The following RUFY4 variants were observed in gnomAD, a reference collection of about 807,000 sequenced individuals.
RUFY4 encodes the protein RUN and FYVE domain-containing protein 4.
RUFY4 carries 73 observed loss-of-function variants against 69.0 expected under a neutral mutation model. The observed-to-expected ratio is 1.06, with a 90% CI of 0.88 to 1.29. RUFY4 has a LOEUF of 1.29. RUFY4 is among the 50% of genes most tolerant of loss of function. RUFY4 has a pLI of 0.00. For synonymous variants in RUFY4, 287 were observed against 271.8 expected, an observed-to-expected ratio of 1.06 and a Z score of -0.55; for missense variants, 770 against 705.6, an observed-to-expected ratio of 1.09 and a Z score of -1.03.
intron 6 of RUFY4, among the ~76,000 whole-genome samples, chr2:218,074,328 A>G (rs1559433512): frequency 6.6e-6 from 1 of 152,136 alleles, no homozygotes; most frequent in Non-Finnish European, 1.5e-5. Flanking sequence ...TGGTTCTTGA[A>G]CAAGTTACTT....
chr2:218,060,885 C>T (rs114651961), intron 3 of RUFY4: 23,934 of 1,199,462 alleles, frequency 0.02, 439 homozygotes, highest in East Asian at 0.084. Context: ...AAGCAAGATG[C>T]GTAGGGACAG....
upstream of RUFY4, among the ~76,000 whole-genome samples, chr2:218,068,171 T>TGGAGGACGGCAGGGGAC (rs1559429721): frequency 0.19 from 11,558 of 61,754 alleles, 638 homozygotes; most frequent in East Asian, 0.27. Context: ...TGGCAGGGGG[T>TGGAGGACGGCAGGGGAC]TAGAGGAGGG....
rs1574513108 is a variant in RUFY4 at position 218,076,420 on chromosome 2, C to T, written c.1249-7C>T. The T allele has an allele frequency of 6.5e-7, 1 of 1,549,376 alleles. No individual in the cohort carries two copies. Among genetic ancestry groups the T allele is most frequent in the Non-Finnish European group, 8.7e-7 (1 of 1,146,230 alleles). ...CAGCCTCCTTCTCCCCTCCTTCCACCCCACAGAGCCTCAGACTTGGGCTCC... is the reference window on the plus strand; with the variant it reads ...CAGCCTCCTTCTCCCCTCCTTCCACTCCACAGAGCCTCAGACTTGGGCTCC... On this transcript the variant is annotated splice_polypyrimidine_tract_variant and splice_region_variant and intron_variant, in intron 7 of 10. Coordinates refer to ENST00000344321, the Ensembl canonical transcript of RUFY4.
At chr2:218,077,979 C>T (rs1464317095) in intron 8 of RUFY4, among the ~76,000 whole-genome samples, 1 of 152,180 alleles carries the variant, frequency 6.6e-6, no homozygotes, top group Non-Finnish European at 1.5e-5. Flanking sequence ...ACTGGGGACC[C>T]TGTCTCACAG....
Position 218,036,395 on chromosome 2 carries a change from C to T in RUFY4, c.-1158+1001C>T, listed in dbSNP as rs542329066. ...TTCTTCCTGGGCTCACAGTCCAAGT[C>T]ACAAGGAATCACATTATCTAGCATC... On this transcript the variant is annotated intron_variant and NMD_transcript_variant, in intron 2 of 13. Transcript: ENST00000457754. Among the ~76,000 whole-genome samples the T allele has an allele frequency of 6.0e-4, 91 of 152,252 alleles. 1 individual carries two copies. Among genetic ancestry groups the T allele is most frequent in the African/African-American group, 2.0e-3 (85 of 41,526 alleles).
At chr2:218,072,804 G>T (rs56214433) in exon 4 of RUFY4, 1 of 1,534,624 alleles carries the variant, frequency 6.5e-7, no homozygotes, top group Admixed American at 2.0e-5. Flanking sequence ...GGGAAAGGCC[G>T]TGCCTTCATC....
intron 9 of RUFY4, 144 bp downstream of exon 11, chr2:218,083,400 T>C: frequency 8.9e-7 from 1 of 1,125,976 alleles, no homozygotes; most frequent in Middle Eastern, 2.3e-4. Context: ...CTGTTTCTTT[T>C]AGCCACTCCC....
intron 2 of RUFY4, among the ~76,000 whole-genome samples, chr2:218,039,426 A>G (rs1267642728): frequency 1.3e-5 from 2 of 152,322 alleles, no homozygotes; most frequent in African/African-American, 4.8e-5. Context: ...GTCTCCCATT[A>G]TTTATTTCCA....
chr2:218,085,738 G>T (rs551289970), intron 9 of RUFY4, among the ~76,000 whole-genome samples: 61 of 152,266 alleles, frequency 4.0e-4, no homozygotes, highest in Middle Eastern at 6.8e-3. Context: ...CCAAGCAAAT[G>T]ATCAAAAGAT....
chr2:218,038,287 G>A (rs2106024420), intron 2 of RUFY4, among the ~76,000 whole-genome samples: 1 of 150,824 alleles, frequency 6.6e-6, no homozygotes, highest in Admixed American at 6.7e-5. Context: ...ATTATTTGTG[G>A]ACAATATGTC....
intron 2 of RUFY4, among the ~76,000 whole-genome samples, chr2:218,048,311 G>A (rs1381446087): frequency 1.3e-5 from 2 of 152,088 alleles, no homozygotes; most frequent in Non-Finnish European, 2.9e-5. Flanking sequence ...ATTTGTTTAA[G>A]TTTTTTATAG....
chr2:218,087,544 G>A (rs917314967), intron 9 of RUFY4, among the ~76,000 whole-genome samples: 1 of 152,150 alleles, frequency 6.6e-6, no homozygotes, highest in Non-Finnish European at 1.5e-5. Context: ...AATTACAATG[G>A]TAGGCTAGGC....
chr2:218,073,197 C>G, intron 4 of RUFY4, 46 bp from the exon 7 acceptor site: 4 of 1,535,904 alleles, frequency 2.6e-6, no homozygotes, highest in Non-Finnish European at 3.5e-6. Context: ...CAGGGGGAAA[C>G]AGCACCAGGG....
At chr2:218,072,962 C>T (rs1689528718) in intron 4 of RUFY4, 77 bp downstream of exon 6, 1 of 1,197,056 alleles carries the variant, frequency 8.4e-7, no homozygotes, top group Non-Finnish European at 1.1e-6. Context: ...CCTCCTTTAA[C>T]CCCCACAGAT....
rs570362914 is a variant in RUFY4, at chr2:218,049,525, A to T, written c.-1157-9070A>T. Among the ~76,000 whole-genome samples the T allele has an allele frequency of 1.0e-3, 136 of 134,180 alleles. 3 individuals are homozygous for T. The East Asian group carries it at 0.024, about 24-fold the overall frequency. The allele number at this position is 134,180 out of a possible 152,430, so 88.0% of individuals were successfully genotyped here. A position where few individuals can be genotyped will look rare whatever the true frequency, so the allele number is the denominator to read the frequency against. ...CTGTTTTAGGTCTTTTTTTTTTTTT[A>T]GATGGAGTTTCACTCTTGTTGCCCA... is the stretch of plus-strand genomic sequence containing the variant. On this transcript the variant is annotated intron_variant and NMD_transcript_variant, in intron 2 of 13. Transcript: ENST00000457754.
At chr2:218,038,473 A>G (rs1959011974) in intron 2 of RUFY4, among the ~76,000 whole-genome samples, 1 of 152,226 alleles carries the variant, frequency 6.6e-6, no homozygotes, top group Admixed American at 6.5e-5. Flanking sequence ...TTTAATCATT[A>G]CATATTCATT....
chr2:218,051,429 A>C (rs1292829088), intron 2 of RUFY4, among the ~76,000 whole-genome samples: 2 of 152,060 alleles, frequency 1.3e-5, no homozygotes, highest in African/African-American at 4.8e-5. Context: ...TTAAAGTTCT[A>C]ATCAATATAT....
intron 2 of RUFY4, among the ~76,000 whole-genome samples, chr2:218,048,543 G>A (rs1333124971): frequency 2.0e-5 from 3 of 151,980 alleles, no homozygotes; most frequent in Non-Finnish European, 4.4e-5. Flanking sequence ...TTCCTAGGTT[G>A]TTTTCCAGGG....
At chr2:218,087,700 A>G (rs959296111) in intron 9 of RUFY4, among the ~76,000 whole-genome samples, 1 of 152,152 alleles carries the variant, frequency 6.6e-6, no homozygotes, top group African/African-American at 2.4e-5. Context: ...ATGGTGGCAC[A>G]TGCCTGTAAT....
Sources: gnomAD v4.1 joint callset for allele counts (sites outside exome capture counted in the v4.1 genomes callset) on GRCh38, gnomAD v4.1.1 for gene constraint, MANE v1.5 for transcripts, NCBI Gene and HGNC (gene_info 2026-07-23, HGNC 2026-07-21) for gene names.